The following SLC25A26 variants were observed in gnomAD, a reference collection of about 807,000 sequenced individuals.
SLC25A26 encodes mitochondrial S-adenosylmethionine carrier protein.
SLC25A26 carries 36 observed loss-of-function variants against 37.8 expected under a neutral mutation model. That is an observed-to-expected ratio of 0.95 (90% CI 0.73 to 1.26). The LOEUF is 1.26. Ranked by LOEUF, SLC25A26 falls within the 50% of genes most tolerant of loss-of-function variation. The pLI, the probability that SLC25A26 is intolerant of heterozygous loss-of-function variation, is 0.00. For synonymous variants in SLC25A26, 129 were observed against 122.5 expected (o/e 1.05, Z -0.35); for missense variants, 390 against 331.1 (o/e 1.18, Z -1.38).
chr3:66,335,862 T>G (rs1176173030), intron 5 of SLC25A26, among the ~76,000 whole-genome samples: 2 of 152,090 alleles, frequency 1.3e-5, no homozygotes, highest in African/African-American at 4.8e-5. Context: ...CAAAGGTGCT[T>G]TTAATACTGG....
At chr3:66,229,441 T>C (rs1301624103) in intron 1 of SLC25A26, among the ~76,000 whole-genome samples, 3 of 152,220 alleles carry the variant, frequency 2.0e-5, no homozygotes, top group Non-Finnish European at 2.9e-5. Context: ...AATTGGATCG[T>C]GGGGACAGTT....
At chr3:66,353,097 G>A (rs902823050) in intron 6 of SLC25A26, among the ~76,000 whole-genome samples, 1 of 152,098 alleles carries the variant, frequency 6.6e-6, no homozygotes, top group Non-Finnish European at 1.5e-5. Flanking sequence ...CCAGAGAGGT[G>A]GGCCTTGTTG....
intron 5 of SLC25A26, among the ~76,000 whole-genome samples, chr3:66,275,350 T>C (rs900268670): frequency 6.6e-6 from 1 of 151,904 alleles, no homozygotes; most frequent in Non-Finnish European, 1.5e-5. Context: ...TGTATACATA[T>C]GTAACTAACC....
At chr3:66,142,912 A>G (rs2070056951) in intron 1 of SLC25A26, among the ~76,000 whole-genome samples, 1 of 152,098 alleles carries the variant, frequency 6.6e-6, no homozygotes, top group African/African-American at 2.4e-5. Context: ...TACAGGCAGC[A>G]CCACTATGCC....
At chr3:66,260,995 C>T (rs1463285940) in intron 3 of SLC25A26, among the ~76,000 whole-genome samples, 1 of 152,166 alleles carries the variant, frequency 6.6e-6, no homozygotes, top group African/African-American at 2.4e-5. Context: ...GATTAGGAAT[C>T]AGGAGAATAC....
intron 1 of SLC25A26, among the ~76,000 whole-genome samples, chr3:66,193,344 G>T (rs902428274): frequency 4.6e-5 from 7 of 152,094 alleles, no homozygotes; most frequent in Non-Finnish European, 8.8e-5. Context: ...GTCAACAGAG[G>T]TTCCTTTTTT....
At chr3:66,362,736 A>G (rs1433333423) in intron 6 of SLC25A26, 124 bp from the exon 7 acceptor site, 2 of 551,086 alleles carry the variant, frequency 3.6e-6, no homozygotes, top group African/African-American at 2.0e-5. Context: ...CACTTATGTC[A>G]TCAGTAAAGA....
chr3:66,260,463 A>G (rs2073481546), intron 3 of SLC25A26, among the ~76,000 whole-genome samples: 2 of 152,204 alleles, frequency 1.3e-5, no homozygotes, highest in Admixed American at 6.5e-5. Flanking sequence ...CGTTTTGTAA[A>G]TCTTGTCAGT....
At chr3:66,168,399 C>T (rs1046903400) in intron 1 of SLC25A26, among the ~76,000 whole-genome samples, 1 of 152,060 alleles carries the variant, frequency 6.6e-6, no homozygotes, top group African/African-American at 2.4e-5. Context: ...TCCATTATAG[C>T]AGCATTCCTG....
At chr3:66,269,638 C>G (rs1464149788) in intron 5 of SLC25A26, among the ~76,000 whole-genome samples, 3 of 152,110 alleles carry the variant, frequency 2.0e-5, no homozygotes, top group African/African-American at 7.2e-5. Context: ...TGTTACCAAG[C>G]AACTATCGCC....
intron 9 of SLC25A26, among the ~76,000 whole-genome samples, chr3:66,376,073 C>CAAGACCACCGTAGTCAG (rs1575629261): frequency 1.3e-5 from 2 of 148,990 alleles, no homozygotes; most frequent in East Asian, 3.9e-4. Flanking sequence ...CTGGAAATGG[C>CAAGACCACCGTAGTCAG]AAGACCACCG....
At chr3:66,328,891 C>T (rs1452808464) in intron 5 of SLC25A26, among the ~76,000 whole-genome samples, 1 of 151,850 alleles carries the variant, frequency 6.6e-6, no homozygotes, top group African/African-American at 2.4e-5. Flanking sequence ...GAAAAATTAC[C>T]CTCTTAGCAG....
intron 1 of SLC25A26, among the ~76,000 whole-genome samples, chr3:66,191,758 G>A (rs2070945968): frequency 6.6e-6 from 1 of 151,930 alleles, no homozygotes; most frequent in Non-Finnish European, 1.5e-5. Context: ...GGCAGTAGTG[G>A]CACGTGCCTG....
chr3:66,182,336 A>T (rs181257602), intron 1 of SLC25A26, among the ~76,000 whole-genome samples: 51 of 152,296 alleles, frequency 3.3e-4, no homozygotes, highest in African/African-American at 1.1e-3. Context: ...TGTTATTCTC[A>T]TAGTACAAAC....
intron 1 of SLC25A26, among the ~76,000 whole-genome samples, chr3:66,162,992 T>C (rs1342928166): frequency 6.6e-6 from 1 of 152,212 alleles, no homozygotes; most frequent in Non-Finnish European, 1.5e-5. Context: ...ATTTCACCTT[T>C]CACCCTGGCT....
At position 66,374,267 on chromosome 3, in the gene SLC25A26, T is replaced by C. The variant is rs146706780; in HGVS notation, c.708-3423T>C. On this transcript the variant is annotated intron_variant, in intron 9 of 9. Transcript: ENST00000354883. Reference sequence around the variant, plus strand: ...AGAGCCCTTTTCCAATAGCACATGATGACTTTGTGTCTGTGTCACATTTTG... The same window carrying C: ...AGAGCCCTTTTCCAATAGCACATGACGACTTTGTGTCTGTGTCACATTTTG... Among the ~76,000 whole-genome samples the C allele has an allele frequency of 8.1e-3, 1,240 of 152,374 alleles. 7 individuals carry two copies. The highest frequency in any genetic ancestry group is 0.013 in the Non-Finnish European group (894 of 68,038).
chr3:66,358,002 C>T (rs2076615746), intron 6 of SLC25A26, among the ~76,000 whole-genome samples: 1 of 152,092 alleles, frequency 6.6e-6, no homozygotes, highest in African/African-American at 2.4e-5. Flanking sequence ...AGCATAGTGC[C>T]TAGAGCATTG....
At chr3:66,215,816 C>A (rs2071352313) in intron 1 of SLC25A26, among the ~76,000 whole-genome samples, 1 of 152,068 alleles carries the variant, frequency 6.6e-6, no homozygotes, top group Non-Finnish European at 1.5e-5. Flanking sequence ...GAAAATGATT[C>A]TAACTGTTGT....
intron 1 of SLC25A26, among the ~76,000 whole-genome samples, chr3:66,174,954 T>G (rs1170429595): frequency 6.6e-6 from 1 of 151,688 alleles, no homozygotes; most frequent in East Asian, 1.9e-4. Context: ...GAATTGCATG[T>G]GGACTTACAT....
Sources: allele counts gnomAD v4.1 joint callset (sites outside exome capture counted in the v4.1 genomes callset), GRCh38; gene constraint gnomAD v4.1.1; transcripts MANE v1.5; gene names NCBI Gene and HGNC (gene_info 2026-07-23, HGNC 2026-07-21).